TENM2: variants seen among roughly 807,000 people sequenced by gnomAD.
TENM2 encodes teneurin transmembrane protein 2, also known as teneurin-2.
A neutral mutation model predicts 245.2 loss-of-function variants in TENM2; 52 were observed. The observed-to-expected ratio is 0.21, with a 90% CI of 0.17 to 0.27. TENM2 has a LOEUF of 0.27. Among genes scored for constraint, TENM2 ranks in the 10% least tolerant of loss-of-function variants. The pLI, the probability that TENM2 is intolerant of heterozygous loss-of-function variation, is 1.00. For missense variants in TENM2, 3,046 were observed against 3,666.8 expected, an observed-to-expected ratio of 0.83 and a Z score of 4.37; for synonymous variants, 1,363 against 1,438.9, an observed-to-expected ratio of 0.95 and a Z score of 1.19.
chr5:167,702,708 AG>A (rs1324074600), intron 2 of TENM2, among the ~76,000 whole-genome samples: 2 of 151,934 alleles, frequency 1.3e-5, no homozygotes, highest in Non-Finnish European at 2.9e-5. Flanking sequence ...CAAGACTCTC[AG>A]GCTGGAGTGC....
chr5:167,810,098 G>A (rs1488813133), intron 2 of TENM2, among the ~76,000 whole-genome samples: 1 of 152,088 alleles, frequency 6.6e-6, no homozygotes, highest in African/African-American at 2.4e-5. Context: ...CTTTGAACCT[G>A]CCTGATAAAA....
chr5:167,050,071 T>C, the TENM2 span, among the ~76,000 whole-genome samples: 1 of 151,966 alleles, frequency 6.6e-6, no homozygotes, highest in African/African-American at 2.4e-5. Context: ...GATCGGGAGA[T>C]TTAAAACCAC....
chr5:167,925,953 G>A (rs561422124), intron 3 of TENM2, among the ~76,000 whole-genome samples: 1 of 152,294 alleles, frequency 6.6e-6, no homozygotes, highest in East Asian at 1.9e-4. Flanking sequence ...GGGTCCACTT[G>A]AGGGAATAGG....
At chr5:167,356,062 A>G (rs978067119) in intron 1 of TENM2, among the ~76,000 whole-genome samples, 3 of 150,986 alleles carry the variant, frequency 2.0e-5, no homozygotes, top group Non-Finnish European at 4.4e-5. Context: ...GGTGCCTGTA[A>G]TCCCAGCTAC....
At chr5:167,030,741 GAGAGTCCCAAGAAGA>G in the TENM2 span, among the ~76,000 whole-genome samples, 1 of 152,144 alleles carries the variant, frequency 6.6e-6, no homozygotes, top group Non-Finnish European at 1.5e-5. Context: ...CAGGGGGTGG[GAGAGTCCCAAGAAGA>G]AAAGGGAAGG....
chr5:167,155,320 C>A, the TENM2 span, among the ~76,000 whole-genome samples: 1 of 152,202 alleles, frequency 6.6e-6, no homozygotes, highest in Admixed American at 6.5e-5. Flanking sequence ...CAAGCCTCCA[C>A]TCCACTCCCC....
intron 2 of TENM2, among the ~76,000 whole-genome samples, chr5:167,734,878 A>G (rs770145793): frequency 6.7e-6 from 1 of 149,862 alleles, no homozygotes; most frequent in Non-Finnish European, 1.5e-5. Context: ...CTCTTTCTCC[A>G]CGCTCTACAC....
intron 2 of TENM2, among the ~76,000 whole-genome samples, chr5:167,646,782 C>T (rs1453045075): frequency 6.6e-6 from 1 of 151,972 alleles, no homozygotes; most frequent in African/African-American, 2.4e-5. Context: ...CAGCATTAGG[C>T]GTATAATTGG....
At chr5:167,344,282 GCACACACACACACACACA>G (rs3067278) in intron 1 of TENM2, among the ~76,000 whole-genome samples, 1 of 134,536 alleles carries the variant, frequency 7.4e-6, no homozygotes, top group East Asian at 2.1e-4. Context: ...GCACGTGCAC[GCACACACACACACACACA>G]CACACACACA....
intron 2 of TENM2, among the ~76,000 whole-genome samples, chr5:167,444,366 A>G (rs897418402): frequency 6.6e-6 from 1 of 152,098 alleles, no homozygotes; most frequent in African/African-American, 2.4e-5. Context: ...TGACTTTCAC[A>G]TGTAACAAAT....
At chr5:168,215,011 C>A (rs770515840) in intron 20 of TENM2, 29 bp from the exon 23 acceptor site, 8 of 1,603,116 alleles carry the variant, frequency 5.0e-6, no homozygotes, top group Non-Finnish European at 6.8e-6. Flanking sequence ...GCCCCCTCCT[C>A]ATTTCTCTTT....
At chr5:167,212,652 T>C in the TENM2 span, among the ~76,000 whole-genome samples, 1 of 152,218 alleles carries the variant, frequency 6.6e-6, no homozygotes, top group Non-Finnish European at 1.5e-5. Flanking sequence ...ATTTGGTTTA[T>C]ACAAAGGTAA....
intron 2 of TENM2, among the ~76,000 whole-genome samples, chr5:167,722,492 A>G (rs927642427): frequency 2.0e-5 from 3 of 152,194 alleles, no homozygotes; most frequent in African/African-American, 7.2e-5. Context: ...AGATTTTTTA[A>G]TAGACTAGTT....
chr5:168,117,654 C>T (rs374799385), intron 9 of TENM2, among the ~76,000 whole-genome samples: 22 of 152,118 alleles, frequency 1.4e-4, no homozygotes, highest in African/African-American at 5.1e-4. Context: ...AGTGAAACCG[C>T]GGATACAGGG....
At chr5:167,339,663 C>T (rs1757981961) in intron 1 of TENM2, among the ~76,000 whole-genome samples, 1 of 151,762 alleles carries the variant, frequency 6.6e-6, no homozygotes, top group Admixed American at 6.6e-5. Context: ...AACCATTCTG[C>T]TATGGTATGT....
intron 3 of TENM2, among the ~76,000 whole-genome samples, chr5:167,943,012 T>C (rs1779311424): frequency 1.3e-5 from 2 of 152,214 alleles, no homozygotes; most frequent in Admixed American, 1.3e-4. Context: ...GCGATATGTC[T>C]TTACATCCCA....
chr5:167,577,276 A>G (rs918639939), intron 2 of TENM2, among the ~76,000 whole-genome samples: 16 of 152,202 alleles, frequency 1.1e-4, no homozygotes, highest in African/African-American at 3.9e-4. Context: ...AGGGTATTAC[A>G]AAAGCACTTG....
chr5:167,099,560 T>C, the TENM2 span, among the ~76,000 whole-genome samples: 1 of 152,126 alleles, frequency 6.6e-6, no homozygotes, highest in African/African-American at 2.4e-5. Flanking sequence ...CTGGGCATGG[T>C]GGCGCATGCC....
At chr5:167,397,027 T>C (rs1024327483) in intron 2 of TENM2, among the ~76,000 whole-genome samples, 2 of 152,148 alleles carry the variant, frequency 1.3e-5, no homozygotes, top group African/African-American at 4.8e-5. Flanking sequence ...CTTTTGATGC[T>C]GGAGAAGTAA....
Sources: gnomAD v4.1 joint callset for allele counts (sites outside exome capture counted in the v4.1 genomes callset) on GRCh38, gnomAD v4.1.1 for gene constraint, MANE v1.5 for transcripts, NCBI Gene and HGNC (gene_info 2026-07-23, HGNC 2026-07-21) for gene names.